DNAH17: variants seen among roughly 807,000 people sequenced by gnomAD.
The protein encoded by DNAH17 is axonemal beta dynein heavy chain 17.
Under a neutral mutation model 485.6 loss-of-function variants are expected in DNAH17, and 376 were observed. That is an observed-to-expected ratio of 0.77 (90% confidence interval 0.71 to 0.84). The LOEUF (loss-of-function observed/expected upper bound fraction) is 0.84, where lower values mean the gene tolerates loss of function less well. Among genes scored for constraint, DNAH17 ranks in the 40% least tolerant of loss-of-function variants. The probability of loss-of-function intolerance (pLI) is 0.00; values close to 1 mark genes in which losing one functional copy is unlikely to be tolerated. For synonymous variants in DNAH17, 3,031 were observed against 2,405.9 expected, an observed-to-expected ratio of 1.26 and a Z score of -7.60; for missense variants, 6,370 against 5,839.3, an observed-to-expected ratio of 1.09 and a Z score of -2.96.
Position 78,555,543 on chromosome 17 carries a change from C to CAAAAAAAAAAA in DNAH17, c.2178+2554_2178+2564dup, listed in dbSNP as rs765954549. Among the ~76,000 whole-genome samples the CAAAAAAAAAAA allele has an allele frequency of 1.6e-3, 128 of 77,676 alleles. 11 individuals carry two copies. The highest frequency in any genetic ancestry group is 5.9e-3 in the African/African-American group (105 of 17,804). The allele number at this position is 77,676 out of a possible 152,430, so 51.0% of individuals were successfully genotyped here. A position where few individuals can be genotyped will look rare whatever the true frequency, so the allele number is the denominator to read the frequency against. ...CGGGGAGAGGAGCAAGATTCCGTCA[C>CAAAAAAAAAAA]AAAAAAAAAAAAAAAAAAAAAAAGA... On this transcript the variant is annotated intron_variant, in intron 14 of 80. Transcript: ENST00000389840.
chr17:78,463,371 C>T (rs958696953), intron 56 of DNAH17, among the ~76,000 whole-genome samples: 1 of 152,076 alleles, frequency 6.6e-6, no homozygotes, highest in African/African-American at 2.4e-5. Flanking sequence ...CGTATATGTG[C>T]ACATTCACAT....
chr17:78,572,881 A>G lies in DNAH17; in HGVS notation c.359T>C (p.Leu120Pro), dbSNP rs2092380041. ...IAVVEEVLSS[L>P]LNQSENMAGW... ...AGCCATGTTCTCACTTTGGTTTAACAGAGAAGAGAGGACCTAAAAGGAAAC... is the reference window on the plus strand; with the variant it reads ...AGCCATGTTCTCACTTTGGTTTAACGGAGAAGAGAGGACCTAAAAGGAAAC... The change falls in exon 3 of 81, where the codon CTG (leucine) becomes CCG (proline). Residue 120 changes from leucine (L) to proline (P), a missense_variant. Transcript: ENST00000389840. 1 of 1,613,730 alleles carries G rather than the reference A, an allele frequency of 6.2e-7. No homozygotes were observed. Among genetic ancestry groups the G allele is most frequent in the Non-Finnish European group, 8.5e-7 (1 of 1,179,784 alleles).
Position 78,510,471 on chromosome 17 carries a change from T to G in DNAH17, c.4149A>C (p.Ala1383=). ...TGTGGAGGTTCAGCTGCAGTAAATC[T>G]GCCAGGGTCGTCTCTTCTGACATTT... ...KFKMSEETTL[A]DLLQLNLHSY... The change falls in exon 27 of 81, where the codon GCA becomes GCC. Residue 1383 remains alanine (A), a synonymous_variant. Transcript: ENST00000389840. 2 of 1,613,902 alleles carry G rather than the reference T, an allele frequency of 1.2e-6. No homozygotes were observed. Among genetic ancestry groups the G allele is most frequent in the Non-Finnish European group, 8.5e-7 (1 of 1,179,834 alleles).
chr17:78,510,531 A>G (rs781394987), intron 26 of DNAH17, 25 bp from the exon 27 acceptor site: 2 of 1,612,808 alleles, frequency 1.2e-6, no homozygotes, highest in Non-Finnish European at 1.7e-6. Flanking sequence ...TCCAGGCAGG[A>G]TTCATTTCAG....
In DNAH17 at chr17:78,505,354, C is replaced by G; in HGVS notation, c.4895G>C (p.Gly1632Ala). The G allele has an allele frequency of 6.2e-7, 1 of 1,613,992 alleles. No individual in the cohort carries two copies. Among genetic ancestry groups the G allele is most frequent in the Non-Finnish European group, 8.5e-7 (1 of 1,179,882 alleles). ...GTACTCGTCCTCCTTGCTGTACATT[C>G]CCAGGCCCACCTTGAGAGGTTTGTC... is the stretch of plus-strand genomic sequence containing the variant. ...ASDKPLKVGL[G>A]MYSKEDEYMV... Residue 1632 changes from glycine (G) to alanine (A), a missense_variant, in exon 31 of 81, where the codon GGA becomes GCA. Coordinates refer to ENST00000389840, the MANE Select transcript of DNAH17 (RefSeq NM_173628.4).
intron 54 of DNAH17, chr17:78,472,659 C>T (rs769763360): frequency 1.3e-5 from 6 of 447,776 alleles, no homozygotes; most frequent in South Asian, 6.3e-5. Flanking sequence ...GCTGGGGTAG[C>T]ACCTGAAGGT....
At position 78,461,518 on chromosome 17, in the gene DNAH17, AGGCACGCTG is replaced by A; in HGVS notation, c.9339+17_9339+25del. 1 of 1,534,426 alleles carries A rather than the reference AGGCACGCTG, an allele frequency of 6.5e-7. No individual in the cohort carries two copies. On this transcript the variant is annotated intron_variant, in intron 58 of 80. Transcript: ENST00000389840. ...CTGGCCAGTGCAGCAGCCTTCCTGA[AGGCACGCTG>A]GGCTGCCTTCACCTACCTTATTGAT...
intron 25 of DNAH17, among the ~76,000 whole-genome samples, chr17:78,523,660 C>T (rs1044782267): frequency 1.8e-4 from 27 of 152,240 alleles, no homozygotes; most frequent in African/African-American, 6.0e-4. Flanking sequence ...AATACCAGCA[C>T]TTTAGAAGGC....
At chr17:78,541,580 G>A (rs1167370462) in intron 17 of DNAH17, among the ~76,000 whole-genome samples, 2 of 152,002 alleles carry the variant, frequency 1.3e-5, no homozygotes, top group African/African-American at 2.4e-5. Flanking sequence ...TGTCATGAGA[G>A]TAGCCATACG....
chr17:78,486,026 T>G lies in DNAH17; in HGVS notation c.7209A>C (p.Thr2403=). 1.2e-6 allele frequency: 2 copies of G among 1,613,960 alleles called. No individual in the cohort carries two copies. Among genetic ancestry groups the G allele is most frequent in the South Asian group, 1.1e-5 (1 of 91,080 alleles). ...TIFDYYIDPD[T]KKFLPWTDKV... ...TATCTGTCCAGGGCAGGAACTTTTT[T>G]GTGTCAGGATCAATGTAGTAGTCAA... The change falls in exon 46 of 81, where the codon ACA becomes ACC. Residue 2403 remains threonine (T), a synonymous_variant. Coordinates refer to ENST00000389840, the MANE Select transcript of DNAH17 (RefSeq NM_173628.4).
chr17:78,514,161 C>T (rs1481698538), intron 26 of DNAH17, among the ~76,000 whole-genome samples: 1 of 152,172 alleles, frequency 6.6e-6, no homozygotes, highest in Non-Finnish European at 1.5e-5. Context: ...AACGGCCTAC[C>T]TAATTTGCAG....
At chr17:78,450,186 G>T in intron 68 of DNAH17, 68 bp downstream of exon 68, 1 of 1,580,380 alleles carries the variant, frequency 6.3e-7, no homozygotes, top group South Asian at 1.1e-5. Flanking sequence ...TGGGCAACAG[G>T]CCTGGCTGTG....
Position 78,525,108 on chromosome 17 carries a change from G to A in DNAH17, c.3765C>T (p.Ser1255=), listed in dbSNP as rs748132996. ...MEGIMEALSK[S]GGLFEVPVPD... The stretch of plus-strand genomic sequence containing the variant: ...GGACGGGGACCTCGAACAGGCCCCC[G>A]GACTTGGACAGCGCCTCCATGATGC... The change falls in exon 25 of 81, where the codon TCC becomes TCT. Residue 1255 remains serine (S), a synonymous_variant. Coordinates refer to ENST00000389840, the MANE Select transcript of DNAH17 (RefSeq NM_173628.4). 1.9e-5 allele frequency: 30 copies of A among 1,613,636 alleles called. No homozygotes were observed. The highest frequency in any genetic ancestry group is 3.3e-4 in the Middle Eastern group (2 of 6,084).
At chr17:78,501,153 C>G in intron 35 of DNAH17, 31 bp downstream of exon 35, 1 of 1,549,410 alleles carries the variant, frequency 6.5e-7, no homozygotes. Context: ...CCACCAAGAG[C>G]ACATGTGAGT....
intron 42 of DNAH17, among the ~76,000 whole-genome samples, chr17:78,492,274 CCGACTGAGGCCAG>C (rs1254107280): frequency 3.3e-5 from 5 of 152,126 alleles, no homozygotes; most frequent in Non-Finnish European, 5.9e-5. Flanking sequence ...CCAGAGCCCA[CCGACTGAGGCCAG>C]GGCTCCCCGG....
intron 17 of DNAH17, 164 bp downstream of exon 17, chr17:78,543,693 G>A (rs530920247): frequency 2.0e-5 from 21 of 1,037,210 alleles, no homozygotes; most frequent in East Asian, 1.4e-4. Flanking sequence ...CCAGAGTGCT[G>A]GGATTACAGG....
Position 78,574,982 on chromosome 17 carries a change from T to C in DNAH17, c.76A>G (p.Lys26Glu). ...ASIVLKFKPD[K>E]WSKLIGAEEN... ...TCGGCGCCTATCAGCTTGCTCCACT[T>C]GTCCGGCTTGAACTTCAGGACGATG... The change falls in exon 2 of 81, where the codon AAG (lysine) becomes GAG (glutamate). Residue 26 changes from lysine (K) to glutamate (E), a missense_variant. By Grantham distance (56) the Lys-to-Glu change is moderately conservative. Transcript: ENST00000389840. 6.2e-7 allele frequency: 1 copy of C among 1,614,010 alleles called. No homozygotes were observed. Among genetic ancestry groups the C allele is most frequent in the Non-Finnish European group, 8.5e-7 (1 of 1,179,886 alleles).
chr17:78,457,485 G>A (rs4969190), intron 62 of DNAH17, among the ~76,000 whole-genome samples: 17,231 of 152,106 alleles, frequency 0.11, 1,279 homozygotes, highest in Admixed American at 0.23. Flanking sequence ...TATTAGTTAC[G>A]TGTTGAAATA....
intron 71 of DNAH17, among the ~76,000 whole-genome samples, chr17:78,441,607 C>G (rs1286410127): frequency 1.3e-5 from 2 of 152,134 alleles, no homozygotes; most frequent in African/African-American, 4.8e-5. Context: ...CCTCTCTCTA[C>G]AAAAGCCCCC....
Sources: gnomAD v4.1 joint callset for allele counts (sites outside exome capture counted in the v4.1 genomes callset) on GRCh38, gnomAD v4.1.1 for gene constraint, MANE v1.5 for transcripts, NCBI Gene and HGNC (gene_info 2026-07-23, HGNC 2026-07-21) for gene names.